NGLY1: variants seen among roughly 807,000 people sequenced by gnomAD.
NGLY1 encodes peptide-N(4)-(N-acetyl-beta-glucosaminyl)asparagine amidase.
Under a neutral mutation model 84.6 loss-of-function variants are expected in NGLY1, and 68 were observed. That is an observed-to-expected ratio of 0.80 (90% CI 0.66 to 0.98). The LOEUF (loss-of-function observed/expected upper bound fraction) is 0.98, where lower values mean the gene tolerates loss of function less well. Among genes scored for constraint, NGLY1 ranks in the 50% least tolerant of loss-of-function variants. The pLI, the probability that NGLY1 is intolerant of heterozygous loss-of-function variation, is 0.00. For synonymous variants in NGLY1, 280 were observed against 275.2 expected (o/e 1.02, Z -0.17); for missense variants, 779 against 770.2 (o/e 1.01, Z -0.14).
intron 3 of NGLY1, chr3:25,755,780 G>C: frequency 1.4e-6 from 1 of 708,816 alleles, no homozygotes; most frequent in Non-Finnish European, 2.3e-6. Context: ...TACCTTAAAA[G>C]ACTTTCATAT....
chr3:25,729,478 T>A, intron 9 of NGLY1, 160 bp from the exon 10 acceptor site: 2 of 398,598 alleles, frequency 5.0e-6, no homozygotes, highest in Non-Finnish European at 8.8e-6. Flanking sequence ...TTAAATATAA[T>A]CAGTATGATG....
chr3:25,765,943 C>T (rs1015304408), intron 2 of NGLY1, among the ~76,000 whole-genome samples: 3 of 151,918 alleles, frequency 2.0e-5, no homozygotes, highest in African/African-American at 7.3e-5. Flanking sequence ...TTTGCCCAGG[C>T]TGGTCTCAAA....
chr3:25,733,724 ATTCT>A (rs1227391514), intron 8 of NGLY1, 144 bp downstream of exon 8: 2 of 423,022 alleles, frequency 4.7e-6, no homozygotes, highest in Non-Finnish European at 8.0e-6. Flanking sequence ...GAATATTTTT[ATTCT>A]TTAATATTCA....
chr3:25,719,779 A>G lies in NGLY1; in HGVS notation c.1790-144T>C, dbSNP rs188308921. ...ATACAAATTATTCTTTATGGAAGAAATGCATCCTTTGAAACAAAGAAATGA... is the reference window on the plus strand; with the variant it reads ...ATACAAATTATTCTTTATGGAAGAAGTGCATCCTTTGAAACAAAGAAATGA... On this transcript the variant is annotated intron_variant, in intron 11 of 11. Coordinates refer to ENST00000280700, the MANE Select transcript of NGLY1 (RefSeq NM_018297.4). 1.4e-4 allele frequency: 103 copies of G among 726,850 alleles called. No homozygotes were observed. In the East Asian group the frequency reaches 2.7e-3, roughly 19 times the overall value. 45.0% of individuals were successfully genotyped at this position (726,850 alleles called of 1,614,324 possible).
intron 4 of NGLY1, among the ~76,000 whole-genome samples, chr3:25,750,192 C>T (rs1456741081): frequency 6.6e-6 from 1 of 152,120 alleles, no homozygotes; most frequent in South Asian, 2.1e-4. Flanking sequence ...ATAAAACCAT[C>T]AGATCTCCTG....
intron 4 of NGLY1, chr3:25,749,347 A>C: frequency 1.8e-6 from 1 of 561,650 alleles, no homozygotes; most frequent in Non-Finnish European, 3.1e-6. Flanking sequence ...AAACAACCCA[A>C]GTATCCATGA....
At chr3:25,725,361 GTGCA>G (rs1705198329) in intron 10 of NGLY1, among the ~76,000 whole-genome samples, 2 of 152,182 alleles carry the variant, frequency 1.3e-5, no homozygotes, top group Admixed American at 1.3e-4. Context: ...ACCTTGCCCT[GTGCA>G]TCTCTTCATC....
intron 4 of NGLY1, among the ~76,000 whole-genome samples, chr3:25,749,207 T>C (rs1208741636): frequency 6.6e-6 from 1 of 152,154 alleles, no homozygotes; most frequent in Non-Finnish European, 1.5e-5. Flanking sequence ...AAATTAAAAA[T>C]AGAATTGCCA....
chr3:25,764,959 A>G (rs1388058657), intron 2 of NGLY1, among the ~76,000 whole-genome samples: 7 of 152,222 alleles, frequency 4.6e-5, no homozygotes, highest in African/African-American at 1.2e-4. Context: ...AAAATCATGT[A>G]TTTCAGTAGT....
At position 25,744,070 on chromosome 3, in the gene NGLY1, G is replaced by A. The variant is rs368539411; in HGVS notation, c.659-4271C>T. ...CCATCTTCAAAAATACCATATAAAC[G>A]TAGATTTCTAGTAACTTATCAGTGA... On this transcript the variant is annotated intron_variant, in intron 4 of 11. Transcript: ENST00000280700. Among the ~76,000 whole-genome samples the A allele has an allele frequency of 9.9e-5, 15 of 152,028 alleles. 1 individual carries two copies. The highest frequency in any genetic ancestry group is 3.1e-4 in the African/African-American group (13 of 41,408).
At chr3:25,729,657 T>A (rs1705440539) in intron 9 of NGLY1, 1 of 163,230 alleles carries the variant, frequency 6.1e-6, no homozygotes, top group Non-Finnish European at 1.3e-5. Context: ...GACTCCCAGC[T>A]TTCAACTCTT....
intron 4 of NGLY1, among the ~76,000 whole-genome samples, chr3:25,742,962 T>C (rs1706229124): frequency 1.3e-5 from 2 of 149,088 alleles, no homozygotes; most frequent in South Asian, 2.1e-4. Context: ...GAGATTATCC[T>C]GGAATATGTG....
chr3:25,720,299 G>T, intron 10 of NGLY1, 108 bp from the exon 11 acceptor site: 2 of 842,770 alleles, frequency 2.4e-6, no homozygotes, highest in Non-Finnish European at 3.4e-6. Context: ...TGTACAAGTG[G>T]TTATTTAAAA....
chr3:25,768,301 C>G (rs1707714139), intron 2 of NGLY1, among the ~76,000 whole-genome samples: 1 of 151,636 alleles, frequency 6.6e-6, no homozygotes, highest in Non-Finnish European at 1.5e-5. Flanking sequence ...TGGCGGACAC[C>G]TGTAATCCCA....
intron 10 of NGLY1, among the ~76,000 whole-genome samples, chr3:25,721,313 G>A (rs1158700771): frequency 1.3e-5 from 2 of 152,180 alleles, no homozygotes; most frequent in Non-Finnish European, 2.9e-5. Flanking sequence ...CTCCTGAGTT[G>A]CTGAGATTGT....
chr3:25,734,499 T>TG, intron 7 of NGLY1: 1 of 150,132 alleles, frequency 6.7e-6, no homozygotes, highest in East Asian at 2.1e-4. Flanking sequence ...GGTCAGGAGT[T>TG]GGAGACCAGC....
intron 5 of NGLY1, among the ~76,000 whole-genome samples, chr3:25,737,736 G>C (rs1334681159): frequency 6.6e-6 from 1 of 151,874 alleles, no homozygotes; most frequent in Non-Finnish European, 1.5e-5. Context: ...AGTAGAGACG[G>C]GGTTTCACCA....
chr3:25,769,206 A>G (rs1707774592), intron 2 of NGLY1, among the ~76,000 whole-genome samples: 1 of 152,040 alleles, frequency 6.6e-6, no homozygotes, highest in African/African-American at 2.4e-5. Context: ...TAAAAATACA[A>G]AAGAATTAGC....
upstream of NGLY1, among the ~76,000 whole-genome samples, chr3:25,787,322 C>T (rs1708626659): frequency 6.6e-6 from 1 of 152,188 alleles, no homozygotes; most frequent in Admixed American, 6.5e-5. Flanking sequence ...ACGTTTCCTT[C>T]TCAACATCTC....
Sources: gnomAD v4.1 joint callset for allele counts (sites outside exome capture counted in the v4.1 genomes callset) on GRCh38, gnomAD v4.1.1 for gene constraint, MANE v1.5 for transcripts, NCBI Gene and HGNC (gene_info 2026-07-23, HGNC 2026-07-21) for gene names.